The following CNTN5 variants were observed in gnomAD, a reference collection of about 807,000 sequenced individuals.
The protein encoded by CNTN5 is contactin 5, also known as contactin-5.
CNTN5 carries 77 observed loss-of-function variants against 129.1 expected under a neutral mutation model. The ratio of observed to expected loss-of-function variants is 0.60; its 90% confidence interval spans 0.50 to 0.72. The LOEUF (loss-of-function observed/expected upper bound fraction) is 0.72, where lower values mean the gene tolerates loss of function less well. Ranked by LOEUF, CNTN5 falls within the 30% of genes least tolerant of loss-of-function variation. The pLI is 0.00. For synonymous variants in CNTN5, 509 were observed against 465.6 expected (o/e 1.09, Z -1.20); for missense variants, 1,478 against 1,328.8 (o/e 1.11, Z -1.75).
intron 3 of CNTN5, among the ~76,000 whole-genome samples, chr11:99,560,450 AC>A (rs1948806167): frequency 6.6e-6 from 1 of 151,636 alleles, no homozygotes; most frequent in Non-Finnish European, 1.5e-5. Context: ...TGCCACCATG[AC>A]CAGCTAATTT....
chr11:99,819,630 T>C lies in CNTN5; in HGVS notation c.142T>C (p.Ser48Pro), dbSNP rs775378819. Residue 48 changes from serine (S) to proline (P), a missense_variant, in exon 4 of 25, where the codon TCC (serine) becomes CCC (proline). Transcript: ENST00000524871. ...KKSSSSSLFG[S>P]KTRPRYSSPS... Reference sequence around the variant, plus strand: ...GAGTTCATCTTCATCTCTCTTTGGTTCCAAAACCAGACCACGATACAGCAG... The same window carrying C: ...GAGTTCATCTTCATCTCTCTTTGGTCCCAAAACCAGACCACGATACAGCAG... The C allele has an allele frequency of 2.5e-6, 4 of 1,612,956 alleles. No individual in the cohort carries two copies. The Admixed American group carries it at 6.7e-5, about 27-fold the overall frequency.
At chr11:99,898,431 T>C (rs925440310) in intron 6 of CNTN5, among the ~76,000 whole-genome samples, 9 of 152,052 alleles carry the variant, frequency 5.9e-5, no homozygotes, top group African/African-American at 2.2e-4. Flanking sequence ...ACTAGTATGA[T>C]CACCTTGATG....
intron 3 of CNTN5, among the ~76,000 whole-genome samples, chr11:99,776,540 T>C (rs1054343720): frequency 6.6e-6 from 1 of 151,866 alleles, no homozygotes; most frequent in Non-Finnish European, 1.5e-5. Flanking sequence ...GAAATCTTCA[T>C]TTAAAAGTAG....
At chr11:99,319,700 T>C (rs534791212) in intron 1 of CNTN5, among the ~76,000 whole-genome samples, 1 of 152,280 alleles carries the variant, frequency 6.6e-6, no homozygotes, top group South Asian at 2.1e-4. Flanking sequence ...ATTTTTTAAA[T>C]TTATATAAAT....
chr11:100,110,250 C>T (rs923349796), intron 13 of CNTN5, among the ~76,000 whole-genome samples: 1 of 86,634 alleles, frequency 1.2e-5, no homozygotes, highest in African/African-American at 6.2e-5. Flanking sequence ...AGAATTTTCT[C>T]TATAAGTTCT....
At chr11:100,283,920 T>C (rs990401496) in intron 18 of CNTN5, among the ~76,000 whole-genome samples, 14 of 152,140 alleles carry the variant, frequency 9.2e-5, no homozygotes, top group African/African-American at 3.1e-4. Context: ...CACTCCATCC[T>C]GGGTGACATA....
chr11:99,375,163 T>C (rs1940088829), intron 2 of CNTN5, among the ~76,000 whole-genome samples: 1 of 151,506 alleles, frequency 6.6e-6, no homozygotes, highest in Non-Finnish European at 1.5e-5. Context: ...AGTAGCTGGG[T>C]GTGGTAGTAC....
In CNTN5 at chr11:99,723,505, C is replaced by T. The variant is rs1943239878; in HGVS notation, c.56-96039C>T. On this transcript the variant is annotated intron_variant, in intron 3 of 24. Transcript: ENST00000524871. The stretch of plus-strand genomic sequence containing the variant: ...ATTTCCCTGATAAAATAGAAACCAA[C>T]GTAGACAATTTTAATAAACTTCTAC... Among the ~76,000 whole-genome samples the T allele has an allele frequency of 2.0e-5, 3 of 152,138 alleles. 1 individual carries two copies. The South Asian group carries it at 6.2e-4, about 31-fold the overall frequency.
At chr11:100,159,677 G>A (rs958001447) in intron 13 of CNTN5, among the ~76,000 whole-genome samples, 3 of 151,884 alleles carry the variant, frequency 2.0e-5, no homozygotes, top group Non-Finnish European at 2.9e-5. Flanking sequence ...TAGAAATTTA[G>A]AAGAAATGTG....
At chr11:99,074,749 T>C (rs1865489742) in intron 1 of CNTN5, among the ~76,000 whole-genome samples, 1 of 152,222 alleles carries the variant, frequency 6.6e-6, no homozygotes, top group South Asian at 2.1e-4. Context: ...GTGTGATTGC[T>C]AGTGCAATTC....
At chr11:99,674,197 T>C (rs1274808680) in intron 3 of CNTN5, among the ~76,000 whole-genome samples, 2 of 152,210 alleles carry the variant, frequency 1.3e-5, no homozygotes, top group Non-Finnish European at 2.9e-5. Flanking sequence ...TTTGCATTTC[T>C]CTAATCATCA....
At position 99,349,299 on chromosome 11, in the gene CNTN5, T is replaced by C. The variant is rs115617405; in HGVS notation, c.-71+23815T>C. On this transcript the variant is annotated intron_variant, in intron 2 of 24. Coordinates refer to ENST00000524871, the MANE Select transcript of CNTN5 (RefSeq NM_014361.4). ...CAAATTTTTCAATACTCCTCCATAGTCATGCTATAAATTTTTTTCCTGGCC... is the reference window on the plus strand; with the variant it reads ...CAAATTTTTCAATACTCCTCCATAGCCATGCTATAAATTTTTTTCCTGGCC... Among the ~76,000 whole-genome samples, 533 of 152,274 alleles carry C rather than the reference T, an allele frequency of 3.5e-3. 5 individuals carry two copies. The highest frequency in any genetic ancestry group is 0.012 in the African/African-American group (505 of 41,564).
At chr11:99,686,152 T>G (rs1421093312) in intron 3 of CNTN5, among the ~76,000 whole-genome samples, 1 of 152,020 alleles carries the variant, frequency 6.6e-6, no homozygotes, top group African/African-American at 2.4e-5. Flanking sequence ...TATCTTTTAA[T>G]CTGCAAATGG....
chr11:99,320,843 C>T (rs1055975863), intron 1 of CNTN5, among the ~76,000 whole-genome samples: 4 of 152,038 alleles, frequency 2.6e-5, no homozygotes, highest in African/African-American at 9.7e-5. Context: ...TTGGGTGTGT[C>T]TGTGAGTGTT....
At chr11:100,177,179 C>A (rs1312062096) in intron 13 of CNTN5, among the ~76,000 whole-genome samples, 2 of 152,024 alleles carry the variant, frequency 1.3e-5, no homozygotes, top group Non-Finnish European at 2.9e-5. Context: ...ATAGGCTTAT[C>A]CATGGATCAT....
intron 3 of CNTN5, among the ~76,000 whole-genome samples, chr11:99,664,091 T>C (rs1405199820): frequency 2.0e-5 from 3 of 152,194 alleles, no homozygotes; most frequent in African/African-American, 7.2e-5. Flanking sequence ...TTGTAAGTTA[T>C]AAAGTCTATT....
intron 1 of CNTN5, among the ~76,000 whole-genome samples, chr11:99,119,074 C>A (rs1191913667): frequency 6.6e-6 from 1 of 151,872 alleles, no homozygotes; most frequent in Non-Finnish European, 1.5e-5. Context: ...AGATTAAATC[C>A]ATTAGTTCAA....
At chr11:99,851,388 A>C (rs1321574821) in intron 6 of CNTN5, among the ~76,000 whole-genome samples, 2 of 152,160 alleles carry the variant, frequency 1.3e-5, no homozygotes, top group Non-Finnish European at 2.9e-5. Flanking sequence ...TTTATTCCTG[A>C]AGCTTATGTT....
chr11:99,479,258 C>A (rs1213180358), intron 2 of CNTN5, among the ~76,000 whole-genome samples: 1 of 138,366 alleles, frequency 7.2e-6, no homozygotes, highest in African/African-American at 2.6e-5. Context: ...TTCAGAATGC[C>A]CTTCACACTT....
Sources: allele counts gnomAD v4.1 joint callset (sites outside exome capture counted in the v4.1 genomes callset), GRCh38; gene constraint gnomAD v4.1.1; transcripts MANE v1.5; gene names NCBI Gene and HGNC (gene_info 2026-07-23, HGNC 2026-07-21).